Variants in TRANK1 observed in about 807,000 individuals in gnomAD.
The protein encoded by TRANK1 is tetratricopeptide repeat and ankyrin repeat containing 1.
Under a neutral mutation model 266.0 loss-of-function variants are expected in TRANK1, and 198 were observed. The observed-to-expected ratio is 0.74, with a 90% CI of 0.66 to 0.84. The LOEUF is 0.84. Ranked by LOEUF, TRANK1 falls within the 40% of genes least tolerant of loss-of-function variation. The pLI is 0.00. For synonymous variants in TRANK1, 1,396 were observed against 1,384.1 expected, an observed-to-expected ratio of 1.01 and a Z score of -0.19; for missense variants, 3,326 against 3,634.6, an observed-to-expected ratio of 0.92 and a Z score of 2.18.
intron 1 of TRANK1, among the ~76,000 whole-genome samples, chr3:36,931,168 G>A (rs986218772): frequency 6.6e-6 from 1 of 151,980 alleles, no homozygotes; most frequent in Admixed American, 6.6e-5. Context: ...TCATGTTGCT[G>A]TAATAATAAA....
intron 18 of TRANK1, among the ~76,000 whole-genome samples, chr3:36,841,662 TA>T (rs549721073): frequency 2.0e-5 from 3 of 151,646 alleles, no homozygotes; most frequent in East Asian, 1.9e-4. Context: ...GACTTCATGA[TA>T]AAAAAAATAG....
chr3:36,915,109 G>A (rs1044216792), intron 1 of TRANK1, among the ~76,000 whole-genome samples: 11 of 151,938 alleles, frequency 7.2e-5, no homozygotes, highest in Non-Finnish European at 1.5e-4. Context: ...CGGCCACCAC[G>A]CCCGGCTAAT....
chr3:36,892,537 A>C (rs559203873), intron 6 of TRANK1, among the ~76,000 whole-genome samples, 197 bp from the exon 7 acceptor site: 2 of 152,342 alleles, frequency 1.3e-5, no homozygotes, highest in South Asian at 4.1e-4. Context: ...GTATGTTTCA[A>C]GAAATCGCCT....
intron 9 of TRANK1, among the ~76,000 whole-genome samples, chr3:36,870,659 G>A (rs1446510116): frequency 2.0e-5 from 3 of 152,116 alleles, no homozygotes; most frequent in East Asian, 1.9e-4. Context: ...CATTGAGTAC[G>A]GAAGGCTTTA....
intron 11 of TRANK1, among the ~76,000 whole-genome samples, chr3:36,860,565 T>C (rs1158766070): frequency 1.3e-5 from 2 of 152,142 alleles, no homozygotes; most frequent in African/African-American, 4.8e-5. Flanking sequence ...CAAGTCAAAG[T>C]CTAGCCAGAG....
In TRANK1 at chr3:36,855,978, C is replaced by G. The variant is rs1314149837; in HGVS notation, c.3744G>C (p.Gln1248His). 1.2e-6 allele frequency: 2 copies of G among 1,613,610 alleles called. No homozygotes were observed. The highest frequency in any genetic ancestry group is 1.1e-5 in the South Asian group (1 of 91,062). Residue 1248 changes from glutamine (Q) to histidine (H), a missense_variant, in exon 13 of 24, where the codon CAG (glutamine) becomes CAC (histidine). By Grantham distance (24) the Gln-to-His change is conservative. Transcript: ENST00000645898. ...ENFPLFVTSK[Q>H]LLLLLDASLP... ...GAGAAGCATCAAGCAGAAGAAGCAG[C>G]TGCTTGGAAGTGACAAACAGAGGAA...
intron 20 of TRANK1, among the ~76,000 whole-genome samples, chr3:36,836,003 C>A (rs555807725): frequency 1.5e-4 from 23 of 152,188 alleles, no homozygotes; most frequent in Admixed American, 1.2e-3. Context: ...GAATGACTAA[C>A]AAATAAATAA....
chr3:36,897,688 A>G (rs1006469315), intron 4 of TRANK1, among the ~76,000 whole-genome samples: 4 of 152,246 alleles, frequency 2.6e-5, no homozygotes, highest in African/African-American at 9.6e-5. Context: ...CATTTTTCAT[A>G]TTCTAACATC....
chr3:36,937,944 A>C (rs1458832732), intron 1 of TRANK1, among the ~76,000 whole-genome samples: 1 of 152,228 alleles, frequency 6.6e-6, no homozygotes, highest in Non-Finnish European at 1.5e-5. Flanking sequence ...CCAAGCCTCT[A>C]TGTAGCATTT....
chr3:36,890,896 T>C (rs2079683477), intron 7 of TRANK1, among the ~76,000 whole-genome samples: 1 of 152,152 alleles, frequency 6.6e-6, no homozygotes, highest in African/African-American at 2.4e-5. Context: ...AACTTAAAAG[T>C]AGACACAATG....
Position 36,831,253 on chromosome 3 carries a change from G to A in TRANK1, c.8330C>T (p.Thr2777Ile). 1.2e-6 allele frequency: 2 copies of A among 1,613,348 alleles called. No individual in the cohort carries two copies. Among genetic ancestry groups the A allele is most frequent in the Non-Finnish European group, 1.7e-6 (2 of 1,179,866 alleles). ...GCTGAAATAGTTCTCTGGGCCACGG[G>A]TAAACTTCACTCCACATAGGTCACA... Reference protein sequence around the residue: ...TQCDLCGVKFTRGPENYFSPS... With the variant: ...TQCDLCGVKFIRGPENYFSPS... Residue 2777 changes from threonine to isoleucine, a missense_variant, in exon 22 of 24, where the codon ACC becomes ATC. By Grantham distance (89) the Thr-to-Ile change is moderately conservative. Transcript: ENST00000645898. This position sits in a 1 kb window ranked among gnomAD's most constrained non-coding sequence, Gnocchi z 5.0.
chr3:36,868,307 T>C (rs1291984174), intron 9 of TRANK1, among the ~76,000 whole-genome samples: 1 of 152,240 alleles, frequency 6.6e-6, no homozygotes. Context: ...ACCGTAAAAC[T>C]GGTTTTGTTA....
At chr3:36,907,960 A>T (rs1222294582) in intron 2 of TRANK1, among the ~76,000 whole-genome samples, 1 of 152,136 alleles carries the variant, frequency 6.6e-6, no homozygotes, top group African/African-American at 2.4e-5. Context: ...AGTGAACCTT[A>T]GTGCCCGGCG....
Position 36,828,292 on chromosome 3 carries a change from T to C in TRANK1, c.8893A>G (p.Lys2965Glu). The C allele has an allele frequency of 6.2e-7, 1 of 1,612,042 alleles. No individual in the cohort carries two copies. The highest frequency in any genetic ancestry group is 1.1e-5 in the South Asian group (1 of 90,328). Residue 2965 changes from lysine (K) to glutamate (E), a missense_variant, in exon 24 of 24, where the codon AAG (lysine) becomes GAG (glutamate). By Grantham distance (56) the Lys-to-Glu change is moderately conservative (BLOSUM62 1). Coordinates refer to ENST00000645898, the MANE Select transcript of TRANK1 (RefSeq NM_001329998.2). ...RPRRRSRKCG[K>E]QRKY is the part of the protein sequence containing the mutation. Reference sequence around the variant, plus strand: ...TGTGGACATTAGTATTTTCTCTGCTTTCCACATTTCCGAGAACGCCTTCTA... The same window carrying C: ...TGTGGACATTAGTATTTTCTCTGCTCTCCACATTTCCGAGAACGCCTTCTA...
chr3:36,916,337 G>A (rs1263563932), intron 1 of TRANK1, among the ~76,000 whole-genome samples: 4 of 152,110 alleles, frequency 2.6e-5, no homozygotes, highest in Non-Finnish European at 5.9e-5. Context: ...AGGCCAAGGC[G>A]GGCAGATCAC....
intron 15 of TRANK1, among the ~76,000 whole-genome samples, chr3:36,849,354 C>A (rs1285144075): frequency 6.6e-6 from 1 of 152,180 alleles, no homozygotes; most frequent in Non-Finnish European, 1.5e-5. Flanking sequence ...AAAAAGAAGG[C>A]AACATCCTAC....
intron 17 of TRANK1, among the ~76,000 whole-genome samples, chr3:36,845,632 T>C (rs1349739363): frequency 6.6e-6 from 1 of 152,236 alleles, no homozygotes. Flanking sequence ...ATTCTACCCA[T>C]ACTGTTTTAA....
At chr3:36,887,496 C>T (rs1314810687) in intron 8 of TRANK1, among the ~76,000 whole-genome samples, 1 of 152,214 alleles carries the variant, frequency 6.6e-6, no homozygotes, top group East Asian at 1.9e-4. Flanking sequence ...TGTTGCATGA[C>T]ATCACATTGG....
At chr3:36,914,340 G>C (rs2125639308) in intron 1 of TRANK1, among the ~76,000 whole-genome samples, 1 of 151,874 alleles carries the variant, frequency 6.6e-6, no homozygotes, top group African/African-American at 2.4e-5. Flanking sequence ...TCACCATGTT[G>C]GCCAGGCTGG....
Sources: gnomAD v4.1 joint callset for allele counts (sites outside exome capture counted in the v4.1 genomes callset) on GRCh38, gnomAD v4.1.1 for gene constraint, Gnocchi (gnomAD v3.1) non-coding constraint, MANE v1.5 for transcripts, NCBI Gene and HGNC (gene_info 2026-07-23, HGNC 2026-07-21) for gene names.